The following SPMAP2L variants were observed in gnomAD, a reference collection of about 807,000 sequenced individuals.
The protein encoded by SPMAP2L is sperm microtubule associated protein 2 like, also known as sperm microtubule associated protein 2-like.
At chr4:56,575,548 G>A in the SPMAP2L span, 3 of 1,535,306 alleles carry the variant, frequency 2.0e-6, no homozygotes, top group Non-Finnish European at 1.7e-6. Context: ...TGTAATTTGG[G>A]AGATCACTCC....
the SPMAP2L span, among the ~76,000 whole-genome samples, chr4:56,571,719 A>G: frequency 3.2e-3 from 487 of 152,330 alleles, 2 homozygotes; most frequent in African/African-American, 0.011. Flanking sequence ...ATAGTGGCAC[A>G]TGCCCGTAGT....
At chr4:56,595,356 A>C in the SPMAP2L span, 3 of 1,606,696 alleles carry the variant, frequency 1.9e-6, no homozygotes, top group South Asian at 3.3e-5. Flanking sequence ...GGCCTGTGGC[A>C]GGGACCCTCA....
chr4:56,612,224 T>A, the SPMAP2L span, among the ~76,000 whole-genome samples: 13 of 152,190 alleles, frequency 8.5e-5, no homozygotes, highest in Non-Finnish European at 1.5e-4. Context: ...CCAAGGCACT[T>A]TTGCCTTCCT....
the SPMAP2L span, among the ~76,000 whole-genome samples, chr4:56,550,578 A>G: frequency 6.6e-6 from 1 of 152,194 alleles, no homozygotes; most frequent in Non-Finnish European, 1.5e-5. Flanking sequence ...CTTAAAATAA[A>G]TAATGTATGC....
the SPMAP2L span, among the ~76,000 whole-genome samples, chr4:56,538,853 A>C: frequency 1.3e-5 from 2 of 152,142 alleles, no homozygotes; most frequent in African/African-American, 4.8e-5. Flanking sequence ...TACCTTCTCA[A>C]TTTGTCTTCT....
At chr4:56,602,872 A>G in the SPMAP2L span, among the ~76,000 whole-genome samples, 1 of 152,178 alleles carries the variant, frequency 6.6e-6, no homozygotes, top group Non-Finnish European at 1.5e-5. Flanking sequence ...TTTAACATTG[A>G]CAAATTATGT....
chr4:56,557,003 C>T, the SPMAP2L span, among the ~76,000 whole-genome samples: 2 of 151,930 alleles, frequency 1.3e-5, no homozygotes, highest in African/African-American at 2.4e-5. Context: ...AATTCCAGCA[C>T]TTTGAGAGGC....
the SPMAP2L span, among the ~76,000 whole-genome samples, chr4:56,535,207 C>G: frequency 1.3e-5 from 2 of 152,066 alleles, no homozygotes; most frequent in African/African-American, 4.8e-5. Flanking sequence ...CTTTGTAAGC[C>G]ACTATCATCT....
At chr4:56,625,435 A>AG in the SPMAP2L span, among the ~76,000 whole-genome samples, 2 of 152,074 alleles carry the variant, frequency 1.3e-5, no homozygotes. Context: ...TGAGATTTGG[A>AG]GGGGCCAGGG....
the SPMAP2L span, chr4:56,548,817 G>A: frequency 7.4e-6 from 11 of 1,485,192 alleles, no homozygotes; most frequent in African/African-American, 1.4e-5. Context: ...GACTTTGTAA[G>A]GAAATGGTAA....
the SPMAP2L span, chr4:56,530,630 C>A: frequency 2.2e-5 from 33 of 1,508,640 alleles, no homozygotes; most frequent in Non-Finnish European, 2.8e-5. Context: ...GCCTGGGCAA[C>A]CAGTCGGGAG....
the SPMAP2L span, among the ~76,000 whole-genome samples, chr4:56,599,177 A>G: frequency 6.6e-6 from 1 of 151,808 alleles, no homozygotes; most frequent in African/African-American, 2.4e-5. Flanking sequence ...ATACACAATA[A>G]TATGTAATAA....
the SPMAP2L span, among the ~76,000 whole-genome samples, chr4:56,571,707 G>C: frequency 1.3e-5 from 2 of 152,248 alleles, no homozygotes; most frequent in African/African-American, 2.4e-5. Flanking sequence ...AATTATCTGG[G>C]CATAGTGGCA....
the SPMAP2L span, among the ~76,000 whole-genome samples, chr4:56,561,483 A>G: frequency 6.6e-6 from 1 of 152,168 alleles, no homozygotes; most frequent in African/African-American, 2.4e-5. Context: ...ACCTCATAAC[A>G]TGAAGAAGAA....
At chr4:56,598,863 T>A in the SPMAP2L span, among the ~76,000 whole-genome samples, 2 of 152,066 alleles carry the variant, frequency 1.3e-5, no homozygotes, top group Non-Finnish European at 2.9e-5. Flanking sequence ...TGGAAATAAT[T>A]GACTCATGGG....
the SPMAP2L span, among the ~76,000 whole-genome samples, chr4:56,550,721 G>A: frequency 1.3e-5 from 2 of 152,098 alleles, no homozygotes; most frequent in Non-Finnish European, 2.9e-5. Flanking sequence ...GTTTCTCTTT[G>A]ATCTGTTAAT....
chr4:56,562,961 C>G, the SPMAP2L span, among the ~76,000 whole-genome samples: 1 of 151,590 alleles, frequency 6.6e-6, no homozygotes, highest in Non-Finnish European at 1.5e-5. Context: ...TAGTATATTT[C>G]CAATTTTGTA....
At chr4:56,551,947 CT>C in the SPMAP2L span, among the ~76,000 whole-genome samples, 1 of 152,142 alleles carries the variant, frequency 6.6e-6, no homozygotes, top group East Asian at 1.9e-4. Flanking sequence ...ACCCAGTACT[CT>C]TGCTGAAATT....
the SPMAP2L span, among the ~76,000 whole-genome samples, chr4:56,578,837 G>T: frequency 6.6e-6 from 1 of 151,834 alleles, no homozygotes; most frequent in Non-Finnish European, 1.5e-5. Context: ...CAGCACTTTG[G>T]GAGGCCAAGG....
Sources: allele counts gnomAD v4.1 joint callset (sites outside exome capture counted in the v4.1 genomes callset), GRCh38; gene constraint gnomAD v4.1.1; transcripts MANE v1.5; gene names NCBI Gene and HGNC (gene_info 2026-07-23, HGNC 2026-07-21).